Variants in TRAPPC9 observed in about 807,000 individuals in gnomAD.
TRAPPC9 encodes the protein trafficking protein particle complex subunit 9, also known as IKK2 binding protein.
Under a neutral mutation model 124.0 loss-of-function variants are expected in TRAPPC9, and 83 were observed. That is an observed-to-expected ratio of 0.67 (90% confidence interval 0.56 to 0.80). The LOEUF is 0.80. Among genes scored for constraint, TRAPPC9 ranks in the 30% least tolerant of loss-of-function variants. The pLI is 0.00. For synonymous variants in TRAPPC9, 638 were observed against 617.5 expected, an observed-to-expected ratio of 1.03 and a Z score of -0.49; for missense variants, 1,302 against 1,508.3, an observed-to-expected ratio of 0.86 and a Z score of 2.27.
At chr8:139,804,214 C>T (rs1161415827) in intron 21 of TRAPPC9, among the ~76,000 whole-genome samples, 1 of 142,712 alleles carries the variant, frequency 7.0e-6, no homozygotes, top group Non-Finnish European at 1.5e-5. Flanking sequence ...CCACCACCCA[C>T]CACCAAGCAC....
In TRAPPC9 at chr8:139,984,562, G is replaced by A. The variant is rs1030258623; in HGVS notation, c.2810+4164C>T. Among the ~76,000 whole-genome samples the A allele has an allele frequency of 2.6e-5, 4 of 152,190 alleles. No homozygotes were observed. The East Asian group carries it at 5.8e-4, about 22-fold the overall frequency. On this transcript the variant is annotated intron_variant, in intron 19 of 22. Transcript: ENST00000438773. The surrounding 1 kb of genome is among the most constrained non-coding windows in gnomAD (Gnocchi z 4.3). ...AGGAACTGGATACTCAAGACACAAAGCCTGGAAGGACAGGGACCAGGTCTG... is the reference window on the plus strand; with the variant it reads ...AGGAACTGGATACTCAAGACACAAAACCTGGAAGGACAGGGACCAGGTCTG...
chr8:140,045,571 G>T (rs72685261), intron 17 of TRAPPC9, among the ~76,000 whole-genome samples: 6 of 134,774 alleles, frequency 4.5e-5, no homozygotes, highest in African/African-American at 1.6e-4. Flanking sequence ...AGGTTGTAGC[G>T]ACCTGAGATC....
intron 19 of TRAPPC9, among the ~76,000 whole-genome samples, chr8:139,987,866 G>A (rs1368061923): frequency 6.6e-5 from 10 of 152,106 alleles, no homozygotes; most frequent in East Asian, 3.9e-4. Context: ...CCTCGCTCCT[G>A]ACCAGCTCTC....
At chr8:139,824,461 G>C (rs565878519) in intron 21 of TRAPPC9, among the ~76,000 whole-genome samples, 2 of 152,208 alleles carry the variant, frequency 1.3e-5, no homozygotes, top group Admixed American at 6.5e-5. Context: ...GGAAACCCAC[G>C]TCTGAGCAGG....
intron 17 of TRAPPC9, among the ~76,000 whole-genome samples, chr8:140,178,240 T>C (rs2062115575): frequency 6.6e-6 from 1 of 152,160 alleles, no homozygotes; most frequent in Non-Finnish European, 1.5e-5. Flanking sequence ...TTAAGCATAC[T>C]GTTGAGCACA....
chr8:140,065,942 A>G lies in TRAPPC9; in HGVS notation c.2557-41863T>C, dbSNP rs140091174. 5.1e-3 allele frequency among the ~76,000 whole-genome samples: 782 copies of G among 152,328 alleles called. 14 individuals carry two copies. Among genetic ancestry groups the G allele is most frequent in the African/African-American group, 0.018 (730 of 41,576 alleles). ...ATGTATTCTTTAAAAAATGCATTCC[A>G]TAAGGCTACAGCTGCCATAGATAGT... On this transcript the variant is annotated intron_variant, in intron 17 of 22. Coordinates refer to ENST00000438773, the MANE Select transcript of TRAPPC9 (RefSeq NM_001160372.4).
chr8:140,359,133 G>A (rs757935632), intron 9 of TRAPPC9, among the ~76,000 whole-genome samples: 15 of 152,314 alleles, frequency 9.8e-5, no homozygotes, highest in Non-Finnish European at 1.8e-4. Flanking sequence ...AGGGCTCCCC[G>A]TGCAGCTGAG....
intron 19 of TRAPPC9, among the ~76,000 whole-genome samples, chr8:139,979,122 C>A (rs2131650207): frequency 6.8e-6 from 1 of 147,426 alleles, no homozygotes; most frequent in South Asian, 2.1e-4. Context: ...AATGCAAGCA[C>A]CACAAGAGAA....
intron 19 of TRAPPC9, among the ~76,000 whole-genome samples, chr8:139,952,434 A>G (rs1452273883): frequency 6.6e-6 from 1 of 152,174 alleles, no homozygotes; most frequent in East Asian, 1.9e-4. Flanking sequence ...GGTGCTTTCT[A>G]TTTCACGGAA....
intron 7 of TRAPPC9, among the ~76,000 whole-genome samples, chr8:140,380,318 T>C (rs570332198): frequency 1.3e-4 from 20 of 152,320 alleles, no homozygotes; most frequent in African/African-American, 4.6e-4. Flanking sequence ...GAATTGTCTT[T>C]ACAACAAATG....
chr8:140,200,447 A>T (rs1046527943), intron 17 of TRAPPC9, among the ~76,000 whole-genome samples: 4 of 152,052 alleles, frequency 2.6e-5, no homozygotes, highest in African/African-American at 9.7e-5. Flanking sequence ...TAGAAAGGGG[A>T]CCAAAAAGAG....
rs913037784 is a variant in TRAPPC9 at position 139,742,130 on chromosome 8, C to T, written c.3056-9928G>A. On this transcript the variant is annotated intron_variant, in intron 21 of 22. Coordinates refer to ENST00000438773, the MANE Select transcript of TRAPPC9 (RefSeq NM_001160372.4). This position sits in a 1 kb window ranked among gnomAD's most constrained non-coding sequence, Gnocchi z 4.7. ...AAGGCGGCTGCACCCCCATTCCCAG[C>T]GGCGGTGCGGGAGAGGCCTGACTGC... Among the ~76,000 whole-genome samples the T allele has an allele frequency of 7.9e-5, 12 of 152,248 alleles. No homozygotes were observed. The highest frequency in any genetic ancestry group is 5.9e-4 in the Admixed American group (9 of 15,280).
chr8:139,757,405 T>A (rs1164310685), intron 21 of TRAPPC9, among the ~76,000 whole-genome samples: 2 of 99,750 alleles, frequency 2.0e-5, no homozygotes, highest in Non-Finnish European at 4.0e-5. Flanking sequence ...GGAGCCAGGG[T>A]TTGGGGATGA....
intron 18 of TRAPPC9, among the ~76,000 whole-genome samples, chr8:140,020,979 T>C (rs1839803386): frequency 1.3e-5 from 2 of 152,234 alleles, no homozygotes; most frequent in Admixed American, 6.5e-5. Flanking sequence ...CTTCATCTTT[T>C]TGTTTTTACA....
chr8:140,136,981 G>A (rs2061314384), intron 17 of TRAPPC9, among the ~76,000 whole-genome samples: 1 of 152,106 alleles, frequency 6.6e-6, no homozygotes, highest in South Asian at 2.1e-4. Context: ...GGTTGAAGGA[G>A]GAGGGACAAA....
In TRAPPC9 at chr8:140,433,601, AC is replaced by A. The variant is rs369473408; in HGVS notation, c.859+1510del. On this transcript the variant is annotated intron_variant, in intron 4 of 22. Transcript: ENST00000438773. ...CGAGACTCTGTCTCAAAAAACAACA[AC>A]AACAACAACAAAAACACACATAATC... Among the ~76,000 whole-genome samples, 78 of 152,304 alleles carry A rather than the reference AC, an allele frequency of 5.1e-4. 1 individual carries two copies. The East Asian group carries it at 0.01, about 20-fold the overall frequency.
chr8:140,308,713 T>C (rs1334699596), intron 10 of TRAPPC9, among the ~76,000 whole-genome samples: 1 of 151,980 alleles, frequency 6.6e-6, no homozygotes, highest in Non-Finnish European at 1.5e-5. Context: ...AAACCCTGTC[T>C]CTACTAAAAA....
chr8:140,048,199 A>G (rs1225729494), intron 17 of TRAPPC9, among the ~76,000 whole-genome samples: 1 of 152,216 alleles, frequency 6.6e-6, no homozygotes, highest in Non-Finnish European at 1.5e-5. Flanking sequence ...CTAGAAGATG[A>G]GGCAGCCAAC....
intron 7 of TRAPPC9, among the ~76,000 whole-genome samples, 165 bp from the exon 8 acceptor site, chr8:140,371,345 G>T (rs1218335849): frequency 6.6e-6 from 1 of 152,252 alleles, no homozygotes. Context: ...GCCCCAGGTG[G>T]CTTCAGACCT....
Sources: gnomAD v4.1 joint callset for allele counts (sites outside exome capture counted in the v4.1 genomes callset) on GRCh38, gnomAD v4.1.1 for gene constraint, Gnocchi (gnomAD v3.1) non-coding constraint, MANE v1.5 for transcripts, NCBI Gene and HGNC (gene_info 2026-07-23, HGNC 2026-07-21) for gene names.